Variants in LRRN1 observed in about 807,000 individuals in gnomAD.
LRRN1 encodes the protein leucine-rich repeat neuronal protein 1.
In LRRN1, 14 loss-of-function variants were observed where a neutral mutation model predicts 45.8. That is an observed-to-expected ratio of 0.31 (90% CI 0.20 to 0.48). The LOEUF (loss-of-function observed/expected upper bound fraction) is 0.48. Ranked by LOEUF, LRRN1 falls within the 20% of genes least tolerant of loss-of-function variation. The pLI is 0.99. For synonymous variants in LRRN1, 359 were observed against 330.1 expected, an observed-to-expected ratio of 1.09 and a Z score of -0.95; for missense variants, 789 against 874.2, an observed-to-expected ratio of 0.90 and a Z score of 1.23.
chr3:3,800,227 G>A (rs976132207), intron 1 of LRRN1, among the ~76,000 whole-genome samples: 12 of 151,842 alleles, frequency 7.9e-5, no homozygotes, highest in Non-Finnish European at 1.3e-4. Flanking sequence ...GACCGGAGCC[G>A]AGCCTGCTGG....
At chr3:3,822,095 C>G (rs1183093426) in intron 1 of LRRN1, among the ~76,000 whole-genome samples, 1 of 152,230 alleles carries the variant, frequency 6.6e-6, no homozygotes, top group Non-Finnish European at 1.5e-5. Flanking sequence ...CTCTGCTGTA[C>G]TAGTTCCAAG....
chr3:3,843,499 ACC>A (rs770699072), intron 1 of LRRN1, among the ~76,000 whole-genome samples: 13,113 of 152,144 alleles, frequency 0.086, 1,462 homozygotes, highest in African/African-American at 0.25. Flanking sequence ...TGCAACCATC[ACC>A]ACAATCTTTA....
intron 1 of LRRN1, among the ~76,000 whole-genome samples, chr3:3,826,524 T>C (rs1333988825): frequency 6.6e-6 from 1 of 152,096 alleles, no homozygotes; most frequent in African/African-American, 2.4e-5. Context: ...TAATGTGGGC[T>C]TTTAGGAACA....
At position 3,845,919 on chromosome 3, in the gene LRRN1, A is replaced by G; in HGVS notation, c.1278A>G (p.Ile426Met). Residue 426 changes from isoleucine to methionine, a missense_variant, in exon 2 of 2, where the codon ATA becomes ATG. Transcript: ENST00000319331. The surrounding 1 kb of genome is among the most constrained non-coding windows in gnomAD (Gnocchi z 6.5). ...QDSSEQCLPM[I>M]SHDSFPNRLN... The stretch of plus-strand genomic sequence containing the variant: ...CGAGTGAACAGTGCCTCCCAATGAT[A>G]TCTCACGACAGCTTCCCAAATCGTT... 6.2e-7 allele frequency: 1 copy of G among 1,614,098 alleles called. No individual in the cohort carries two copies. Among genetic ancestry groups the G allele is most frequent in the South Asian group, 1.1e-5 (1 of 91,080 alleles).
intron 1 of LRRN1, among the ~76,000 whole-genome samples, chr3:3,843,344 G>T (rs1193393909): frequency 1.3e-5 from 2 of 152,118 alleles, no homozygotes; most frequent in Non-Finnish European, 2.9e-5. Flanking sequence ...GGAGACCAAT[G>T]GTATGACAGA....
chr3:3,823,784 T>A (rs115028721), intron 1 of LRRN1, among the ~76,000 whole-genome samples: 2,173 of 152,236 alleles, frequency 0.014, 52 homozygotes, highest in African/African-American at 0.049. Flanking sequence ...AATTTTTTTT[T>A]AAAGCTAAAC....
chr3:3,807,443 T>A (rs1308378422), intron 1 of LRRN1, among the ~76,000 whole-genome samples: 1 of 152,246 alleles, frequency 6.6e-6, no homozygotes, highest in Non-Finnish European at 1.5e-5. Flanking sequence ...TATGCACACT[T>A]ACATGCACAC....
chr3:3,826,301 A>G (rs1376743705), intron 1 of LRRN1, among the ~76,000 whole-genome samples: 1 of 152,188 alleles, frequency 6.6e-6, no homozygotes. Flanking sequence ...CACCAGAGGA[A>G]AGGGCTGATG....
chr3:3,836,966 T>A (rs192710729), intron 1 of LRRN1, among the ~76,000 whole-genome samples: 1 of 152,284 alleles, frequency 6.6e-6, no homozygotes, highest in East Asian at 1.9e-4. Flanking sequence ...CCCTTTTTTC[T>A]TGGCCCACCT....
At chr3:3,808,691 C>T (rs1692815813) in intron 1 of LRRN1, among the ~76,000 whole-genome samples, 1 of 152,150 alleles carries the variant, frequency 6.6e-6, no homozygotes. Flanking sequence ...TCTTTAATTG[C>T]AGCTATAAAA....
chr3:3,814,600 T>C (rs1692950109), intron 1 of LRRN1, among the ~76,000 whole-genome samples: 1 of 152,176 alleles, frequency 6.6e-6, no homozygotes, highest in Admixed American at 6.5e-5. Flanking sequence ...TGGGGCCTTT[T>C]GGGAAGTGAT....
rs577070242 is a variant in LRRN1 at position 3,828,260 on chromosome 3, A to C, written c.-278-16104A>C. On this transcript the variant is annotated intron_variant, in intron 1 of 1. Coordinates refer to ENST00000319331, the MANE Select transcript of LRRN1 (RefSeq NM_020873.7). ...TAGGCTGTCTGCAAGCTGAAGAGCAAGGAGACCAGTCTGAGTCCCAAGACT... is the reference window on the plus strand; with the variant it reads ...TAGGCTGTCTGCAAGCTGAAGAGCACGGAGACCAGTCTGAGTCCCAAGACT... Among the ~76,000 whole-genome samples, 17 of 152,090 alleles carry C rather than the reference A, an allele frequency of 1.1e-4. No individual in the cohort carries two copies. In the South Asian group the frequency reaches 3.1e-3, roughly 28 times the overall value.
At position 3,846,626 on chromosome 3, in the gene LRRN1, A is replaced by G; in HGVS notation, c.1985A>G (p.His662Arg). Residue 662 changes from histidine to arginine, a missense_variant, in exon 2 of 2, where the codon CAC becomes CGC. His to Arg is a conservative substitution (Grantham distance 29, BLOSUM62 0). Transcript: ENST00000319331. The surrounding 1 kb of genome is among the most constrained non-coding windows in gnomAD (Gnocchi z 5.7). Reference protein sequence around the residue: ...FAKRFKRKNYHHSLKKYMQKT... With the variant: ...FAKRFKRKNYRHSLKKYMQKT... ...AAAAGATTTAAGAGAAAAAACTACCACCACTCATTAAAAAAGTATATGCAA... is the reference window on the plus strand; with the variant it reads ...AAAAGATTTAAGAGAAAAAACTACCGCCACTCATTAAAAAAGTATATGCAA... 6.2e-7 allele frequency: 1 copy of G among 1,613,962 alleles called. No homozygotes were observed. The highest frequency in any genetic ancestry group is 1.1e-5 in the South Asian group (1 of 91,072).
intron 1 of LRRN1, among the ~76,000 whole-genome samples, chr3:3,837,159 C>T (rs1002033652): frequency 2.0e-5 from 3 of 152,176 alleles, no homozygotes; most frequent in East Asian, 1.9e-4. Context: ...GCTGTGAAGA[C>T]GCTGGGGAAG....
chr3:3,843,325 G>A (rs544466805), intron 1 of LRRN1, among the ~76,000 whole-genome samples: 4 of 152,306 alleles, frequency 2.6e-5, no homozygotes, highest in African/African-American at 9.6e-5. Flanking sequence ...GTATGTTTGT[G>A]TTTTTAATGG....
At chr3:3,810,115 T>G (rs1331807824) in intron 1 of LRRN1, among the ~76,000 whole-genome samples, 1 of 152,202 alleles carries the variant, frequency 6.6e-6, no homozygotes. Context: ...GTGAATACAT[T>G]AGAGCCTTTT....
intron 1 of LRRN1, among the ~76,000 whole-genome samples, chr3:3,828,378 G>A (rs749027114): frequency 1.9e-4 from 29 of 151,808 alleles, no homozygotes; most frequent in African/African-American, 6.8e-4. Context: ...TCTTTTTCAC[G>A]TTTTTCTGCC....
intron 1 of LRRN1, among the ~76,000 whole-genome samples, chr3:3,812,566 C>G (rs752171943): frequency 7.2e-5 from 11 of 152,134 alleles, no homozygotes; most frequent in Non-Finnish European, 1.3e-4. Flanking sequence ...AGAACTTGTA[C>G]AAAGTTCAGC....
chr3:3,819,245 C>T (rs1230766311), intron 1 of LRRN1, among the ~76,000 whole-genome samples: 1 of 152,142 alleles, frequency 6.6e-6, no homozygotes, highest in Non-Finnish European at 1.5e-5. Context: ...CCTCAGCTTC[C>T]CAAAGCACTG....
Sources: gnomAD v4.1 joint callset for allele counts (sites outside exome capture counted in the v4.1 genomes callset) on GRCh38, gnomAD v4.1.1 for gene constraint, Gnocchi (gnomAD v3.1) non-coding constraint, MANE v1.5 for transcripts, NCBI Gene and HGNC (gene_info 2026-07-23, HGNC 2026-07-21) for gene names.